The following SMARCA2 variants were observed in gnomAD, a reference collection of about 807,000 sequenced individuals.
SMARCA2 encodes SWI/SNF related BAF chromatin remodeling complex subunit ATPase 2.
SMARCA2 carries 61 observed loss-of-function variants against 199.8 expected under a neutral mutation model. The observed-to-expected ratio is 0.31, with a 90% confidence interval of 0.25 to 0.38. SMARCA2 has a LOEUF of 0.38. SMARCA2 is among the 10% of genes least tolerant of loss of function. The pLI is 1.00. For missense variants in SMARCA2, 1,344 were observed against 2,012.2 expected (o/e 0.67, Z 6.35); for synonymous variants, 935 against 732.0 (o/e 1.28, Z -4.48).
In SMARCA2 at chr9:2,039,571, G is replaced by A. The variant is rs767299222; in HGVS notation, c.461G>A (p.Gly154Glu). The A allele has an allele frequency of 6.2e-7, 1 of 1,614,130 alleles. No individual in the cohort carries two copies. The highest frequency in any genetic ancestry group is 1.7e-5 in the Admixed American group (1 of 60,018). ...CCTCAGATGCCACCAAGCCAGCCGG[G>A]GGCCCTCATCCCAGGTGATCCGCAG... ...TPPQMPPSQP[G>E]ALIPGDPQAM... Residue 154 changes from glycine to glutamate, a missense_variant, in exon 4 of 34, where the codon GGG becomes GAG. Gly to Glu is a moderately conservative substitution (Grantham distance 98, BLOSUM62 -2). Coordinates refer to ENST00000349721, the MANE Select transcript of SMARCA2 (RefSeq NM_003070.5). This position sits in a 1 kb window ranked among gnomAD's most constrained non-coding sequence, Gnocchi z 4.8.
At chr9:2,120,367 G>T (rs1226604162) in intron 26 of SMARCA2, among the ~76,000 whole-genome samples, 2 of 152,108 alleles carry the variant, frequency 1.3e-5, no homozygotes, top group Admixed American at 6.6e-5. Context: ...TTTGTCTATG[G>T]GGGGACAGAG....
chr9:2,192,622 G>A (rs1370063642), intron 33 of SMARCA2, 82 bp from the exon 34 acceptor site: 2 of 940,126 alleles, frequency 2.1e-6, no homozygotes, highest in African/African-American at 1.6e-5. Context: ...TTTTCCTACT[G>A]GCCTCTTGAT....
chr9:2,125,918 G>T (rs7875344), intron 27 of SMARCA2, among the ~76,000 whole-genome samples: 23,348 of 152,206 alleles, frequency 0.15, 3,802 homozygotes, highest in East Asian at 0.41. Flanking sequence ...GAATTGCCCT[G>T]AAGAAAAACA....
chr9:2,092,435 G>T (rs1822100133), intron 19 of SMARCA2, among the ~76,000 whole-genome samples: 1 of 152,140 alleles, frequency 6.6e-6, no homozygotes, highest in South Asian at 2.1e-4. Context: ...TAGAACCTGA[G>T]ACTTTTCATA....
At chr9:2,058,832 C>T (rs368301406) in intron 8 of SMARCA2, among the ~76,000 whole-genome samples, 3 of 152,102 alleles carry the variant, frequency 2.0e-5, no homozygotes, top group Non-Finnish European at 4.4e-5. Context: ...TGAATGACCA[C>T]GTTTTTTGGA....
chr9:2,189,104 C>T (rs570623485), intron 32 of SMARCA2, among the ~76,000 whole-genome samples: 15 of 152,298 alleles, frequency 9.8e-5, no homozygotes, highest in Admixed American at 9.8e-4. Flanking sequence ...CAGGGTCAGA[C>T]AATTAACAGT....
At chr9:2,074,721 G>A (rs1433753948) in intron 12 of SMARCA2, among the ~76,000 whole-genome samples, 1 of 152,116 alleles carries the variant, frequency 6.6e-6, no homozygotes, top group Non-Finnish European at 1.5e-5. Context: ...ACAAAAATCA[G>A]CGGGGCGTGG....
intron 29 of SMARCA2, among the ~76,000 whole-genome samples, chr9:2,179,629 A>C (rs1826870545): frequency 6.6e-6 from 1 of 152,132 alleles, no homozygotes; most frequent in South Asian, 2.1e-4. Flanking sequence ...GCTTTGTTGC[A>C]CTATCGGTCA....
At chr9:2,078,239 A>T (rs913669030) in intron 14 of SMARCA2, among the ~76,000 whole-genome samples, 8 of 152,186 alleles carry the variant, frequency 5.3e-5, no homozygotes, top group Non-Finnish European at 1.0e-4. Flanking sequence ...TGGGAGGCTG[A>T]GGTGGGTGGA....
At chr9:2,131,835 G>C (rs967276834) in intron 27 of SMARCA2, among the ~76,000 whole-genome samples, 4 of 151,740 alleles carry the variant, frequency 2.6e-5, no homozygotes, top group Non-Finnish European at 5.9e-5. Flanking sequence ...AGCTACTCGG[G>C]AGGCTGAGGC....
At chr9:2,189,201 CCA>C (rs907038497) in intron 32 of SMARCA2, among the ~76,000 whole-genome samples, 8 of 152,276 alleles carry the variant, frequency 5.3e-5, no homozygotes, top group African/African-American at 1.9e-4. Context: ...GATATTCTGT[CCA>C]CCACACTTGG....
intron 27 of SMARCA2, chr9:2,159,695 A>G (rs1253384866): frequency 1.5e-6 from 2 of 1,305,204 alleles, no homozygotes; most frequent in East Asian, 2.6e-5. Flanking sequence ...TGTAGTAGGT[A>G]GCATGAAACA....
At chr9:2,124,535 A>T (rs1823602303) in intron 27 of SMARCA2, among the ~76,000 whole-genome samples, 1 of 152,230 alleles carries the variant, frequency 6.6e-6, no homozygotes, top group Non-Finnish European at 1.5e-5. Context: ...ACAGCTGGTT[A>T]GAAAGCACAG....
chr9:2,112,841 G>C (rs1033461859), intron 24 of SMARCA2, among the ~76,000 whole-genome samples: 3 of 152,170 alleles, frequency 2.0e-5, no homozygotes, highest in Non-Finnish European at 4.4e-5. Context: ...AAAAGGTACA[G>C]AACTCTACTA....
rs540227007 is a variant in SMARCA2 at position 2,177,705 on chromosome 9, A to C, written c.4254-3866A>C. 1.5e-4 allele frequency among the ~76,000 whole-genome samples: 23 copies of C among 151,968 alleles called. No individual in the cohort carries two copies. In the East Asian group the frequency reaches 4.5e-3, roughly 30 times the overall value. The stretch of plus-strand genomic sequence containing the variant: ...GTAGCCGGGATTACAGGCATGCGCC[A>C]CCACACCCAGCTAATTTTGTATTTT... On this transcript the variant is annotated intron_variant, in intron 29 of 33. Coordinates refer to ENST00000349721, the MANE Select transcript of SMARCA2 (RefSeq NM_003070.5).
intron 33 of SMARCA2, 71 bp from the exon 34 acceptor site, chr9:2,192,633 G>C: frequency 1.0e-5 from 11 of 1,069,784 alleles, no homozygotes; most frequent in Non-Finnish European, 1.6e-5. Flanking sequence ...GCCTCTTGAT[G>C]GTTTGTTGTT....
chr9:2,126,978 T>G (rs1823724759), intron 27 of SMARCA2, among the ~76,000 whole-genome samples: 1 of 152,226 alleles, frequency 6.6e-6, no homozygotes, highest in Non-Finnish European at 1.5e-5. Context: ...TATTTTTTTC[T>G]GTCTTTAGTA....
intron 4 of SMARCA2, chr9:2,044,331 C>G (rs1209115288): frequency 6.6e-6 from 1 of 152,172 alleles, no homozygotes; most frequent in Non-Finnish European, 1.5e-5. Flanking sequence ...CTCCAGGGAG[C>G]ACATGGCAGG....
chr9:2,044,654 C>T (rs939532232), intron 4 of SMARCA2: 5 of 152,170 alleles, frequency 3.3e-5, no homozygotes, highest in African/African-American at 1.2e-4. Context: ...GACACTGAGC[C>T]ACAGATTGGT....
Sources: gnomAD v4.1 joint callset for allele counts (sites outside exome capture counted in the v4.1 genomes callset) on GRCh38, gnomAD v4.1.1 for gene constraint, Gnocchi (gnomAD v3.1) non-coding constraint, MANE v1.5 for transcripts, NCBI Gene and HGNC (gene_info 2026-07-23, HGNC 2026-07-21) for gene names.